The following THSD4 variants were observed in gnomAD, a reference collection of about 807,000 sequenced individuals.
THSD4 encodes thrombospondin type 1 domain containing 4.
THSD4 carries 69 observed loss-of-function variants against 119.0 expected under a neutral mutation model. The ratio of observed to expected loss-of-function variants is 0.58; its 90% CI spans 0.48 to 0.71. The LOEUF is 0.71. Ranked by LOEUF, THSD4 falls within the 30% of genes least tolerant of loss-of-function variation. THSD4 has a pLI of 0.00. For synonymous variants in THSD4, 524 were observed against 540.4 expected, an observed-to-expected ratio of 0.97 and a Z score of 0.42; for missense variants, 1,393 against 1,391.1, an observed-to-expected ratio of 1.00 and a Z score of -0.02.
intron 6 of THSD4, among the ~76,000 whole-genome samples, chr15:71,295,967 T>C (rs112370048): frequency 6.6e-6 from 1 of 152,242 alleles, no homozygotes; most frequent in African/African-American, 2.4e-5. Context: ...TTGAGGTTCA[T>C]TAATACTGTA....
rs113852787 is a variant in THSD4, at chr15:71,744,397, C to T, written c.1907-709C>T. 1.8e-3 allele frequency among the ~76,000 whole-genome samples: 281 copies of T among 152,224 alleles called. 3 individuals carry two copies. Among genetic ancestry groups the T allele is most frequent in the African/African-American group, 6.3e-3 (262 of 41,522 alleles). ...AGTAGCCCTGTCCCTCAGAAGCTCA[C>T]GGTCTCATGGGAAGTAGACAAATGC... On this transcript the variant is annotated intron_variant, in intron 11 of 17. Coordinates refer to ENST00000261862, the MANE Select transcript of THSD4 (RefSeq NM_024817.3).
At chr15:71,258,911 C>T (rs543205435) in intron 6 of THSD4, among the ~76,000 whole-genome samples, 1 of 152,072 alleles carries the variant, frequency 6.6e-6, no homozygotes, top group South Asian at 2.1e-4. Flanking sequence ...GTCGGGAGTT[C>T]AAGACCAGCC....
At chr15:71,109,415 G>T (rs2141343056) in intron 1 of THSD4, among the ~76,000 whole-genome samples, 1 of 152,274 alleles carries the variant, frequency 6.6e-6, no homozygotes, top group East Asian at 1.9e-4. Flanking sequence ...TTTCCCAGAT[G>T]GATCCAAAAC....
intron 7 of THSD4, among the ~76,000 whole-genome samples, chr15:71,659,166 A>G (rs900386784): frequency 1.8e-4 from 27 of 152,328 alleles, no homozygotes; most frequent in African/African-American, 6.3e-4. Flanking sequence ...GAATTAGAAT[A>G]CCATTCTGAT....
chr15:71,108,360 T>G (rs961783620), intron 1 of THSD4, among the ~76,000 whole-genome samples: 2 of 152,174 alleles, frequency 1.3e-5, no homozygotes, highest in Non-Finnish European at 2.9e-5. Context: ...GACAAGCCCA[T>G]GAGGGAAAAC....
At chr15:71,272,308 G>A (rs967214691) in intron 6 of THSD4, among the ~76,000 whole-genome samples, 8 of 142,670 alleles carry the variant, frequency 5.6e-5, no homozygotes, top group Non-Finnish European at 9.0e-5. Context: ...GGCCAAAGCC[G>A]AATTGCTTGA....
intron 6 of THSD4, among the ~76,000 whole-genome samples, chr15:71,366,893 G>A (rs748420128): frequency 1.1e-4 from 16 of 152,084 alleles, no homozygotes; most frequent in Non-Finnish European, 1.9e-4. Flanking sequence ...TCAGTGAAGC[G>A]CCCTTCTCAT....
At chr15:71,766,975 G>A (rs1166177771) in intron 16 of THSD4, 1 of 152,192 alleles carries the variant, frequency 6.6e-6, no homozygotes, top group Non-Finnish European at 1.5e-5. Flanking sequence ...GGAGGATGGG[G>A]TGACCACATC....
intron 7 of THSD4, among the ~76,000 whole-genome samples, chr15:71,486,626 T>TG (rs2047825389): frequency 6.8e-6 from 1 of 147,028 alleles, no homozygotes; most frequent in South Asian, 2.2e-4. Context: ...TTTTTTTTTT[T>TG]TTTTTTTTTT....
chr15:71,130,443 C>T (rs1057179398), intron 1 of THSD4, among the ~76,000 whole-genome samples: 2 of 152,128 alleles, frequency 1.3e-5, no homozygotes, highest in African/African-American at 4.8e-5. Context: ...ACCTTGGCCT[C>T]CCGAAGTGCT....
intron 2 of THSD4, among the ~76,000 whole-genome samples, chr15:71,152,386 C>A (rs1017907201): frequency 6.6e-6 from 1 of 151,262 alleles, no homozygotes; most frequent in African/African-American, 2.4e-5. Flanking sequence ...CAAGCCACTG[C>A]ACTCCAGCCT....
chr15:71,653,516 C>A (rs1348208216), intron 7 of THSD4, among the ~76,000 whole-genome samples: 1 of 152,162 alleles, frequency 6.6e-6, no homozygotes, highest in African/African-American at 2.4e-5. Context: ...TGGGTAGAAG[C>A]CAAGGATGCT....
intron 6 of THSD4, among the ~76,000 whole-genome samples, chr15:71,389,093 TC>T (rs2046334893): frequency 3.3e-5 from 5 of 152,110 alleles, no homozygotes; most frequent in Non-Finnish European, 7.4e-5. Context: ...TGGAACTGAG[TC>T]CATTAAACCT....
intron 6 of THSD4, among the ~76,000 whole-genome samples, chr15:71,364,549 C>T (rs549840695): frequency 2.0e-5 from 3 of 152,288 alleles, no homozygotes; most frequent in East Asian, 1.9e-4. Flanking sequence ...ACTAGCAGGT[C>T]GTGGTTCTAG....
At chr15:71,704,755 A>G (rs973752324) in intron 8 of THSD4, among the ~76,000 whole-genome samples, 10 of 152,224 alleles carry the variant, frequency 6.6e-5, no homozygotes, top group Admixed American at 4.6e-4. Context: ...CCTAGCTACA[A>G]TGATTTGTAT....
chr15:71,724,278 TATATA>T (rs1321298996), intron 8 of THSD4, among the ~76,000 whole-genome samples: 11 of 37,162 alleles, frequency 3.0e-4, no homozygotes, highest in South Asian at 1.7e-3. Flanking sequence ...TATATATATA[TATATA>T]TATATTTTTT....
intron 6 of THSD4, among the ~76,000 whole-genome samples, chr15:71,406,114 T>A (rs2046602231): frequency 6.6e-6 from 1 of 152,154 alleles, no homozygotes; most frequent in African/African-American, 2.4e-5. Context: ...TTCCTGTGTT[T>A]TTTTTTTCTT....
At position 71,587,265 on chromosome 15, in the gene THSD4, A is replaced by G. The variant is rs573199901; in HGVS notation, c.1153-73265A>G. On this transcript the variant is annotated intron_variant, in intron 7 of 17. Transcript: ENST00000261862. ...AAATACCATTTGACCCAGCCATCCC[A>G]TTACTCGGTATATACCCAAAGGACT... Among the ~76,000 whole-genome samples, 302 of 129,800 alleles carry G rather than the reference A, an allele frequency of 2.3e-3. 2 individuals are homozygous for G. The highest frequency in any genetic ancestry group is 3.8e-3 in the Non-Finnish European group (230 of 60,288). 85.2% of individuals were successfully genotyped at this position (129,800 alleles called of 152,430 possible).
chr15:71,727,547 AAAAAAAATATATATATATATAT>A (rs1326110456), intron 8 of THSD4, among the ~76,000 whole-genome samples: 2 of 106,496 alleles, frequency 1.9e-5, no homozygotes, highest in Middle Eastern at 4.2e-3. Context: ...AAAAAAAAAA[AAAAAAAATATATATATATATAT>A]ATATATATAT....
Sources: gnomAD v4.1 joint callset for allele counts (sites outside exome capture counted in the v4.1 genomes callset) on GRCh38, gnomAD v4.1.1 for gene constraint, MANE v1.5 for transcripts, NCBI Gene and HGNC (gene_info 2026-07-23, HGNC 2026-07-21) for gene names.